CFAP20DC: variants seen among roughly 807,000 people sequenced by gnomAD.
CFAP20DC encodes protein CFAP20DC.
CFAP20DC carries 84 observed loss-of-function variants against 101.7 expected under a neutral mutation model. The observed-to-expected ratio is 0.83, with a 90% CI of 0.69 to 0.99. CFAP20DC has a LOEUF of 0.99. Ranked by LOEUF, CFAP20DC falls within the 50% of genes least tolerant of loss-of-function variation. The pLI is 0.00. For missense variants in CFAP20DC, 1,007 were observed against 970.3 expected (o/e 1.04, Z -0.50); for synonymous variants, 359 against 351.2 (o/e 1.02, Z -0.25).
At position 58,821,806 on chromosome 3, in the gene CFAP20DC, A is replaced by T. The variant is rs1246160248; in HGVS notation, c.2175+9880T>A. ...CATCCCATTACTGGGTATATACCCAAAGGACTATAAATCATGCTGCTATAA... is the reference window on the plus strand; with the variant it reads ...CATCCCATTACTGGGTATATACCCATAGGACTATAAATCATGCTGCTATAA... On this transcript the variant is annotated intron_variant, in intron 14 of 16. Coordinates refer to ENST00000482387, the MANE Select transcript of CFAP20DC (RefSeq NM_001394063.1). 8.4e-5 allele frequency among the ~76,000 whole-genome samples: 12 copies of T among 142,502 alleles called. No individual in the cohort carries two copies. The East Asian group carries it at 2.5e-3, about 29-fold the overall frequency. The allele number at this position is 142,502 out of a possible 152,430, so 93.5% of individuals were successfully genotyped here. A position where few individuals can be genotyped will look rare whatever the true frequency, so the allele number is the denominator to read the frequency against.
At chr3:58,870,894 CAAAAAAAAAAAAAAAAAA>C (rs548763648) in intron 7 of CFAP20DC, among the ~76,000 whole-genome samples, 1 of 18,954 alleles carries the variant, frequency 5.3e-5, no homozygotes, top group Admixed American at 7.7e-4. Context: ...GACTCCGTCT[CAAAAAAAAAAAAAAAAAA>C]AAAAAAAAAA....
chr3:58,856,386 G>A (rs942750413), intron 12 of CFAP20DC, among the ~76,000 whole-genome samples: 2 of 151,972 alleles, frequency 1.3e-5, no homozygotes, highest in Admixed American at 1.3e-4. Context: ...AAGATTGGGT[G>A]CCAATCTGTG....
chr3:58,811,590 A>G lies in CFAP20DC; in HGVS notation c.2176-5134T>C, dbSNP rs1431674743. Among the ~76,000 whole-genome samples the G allele has an allele frequency of 2.0e-5, 3 of 152,138 alleles. No individual in the cohort carries two copies. In the East Asian group the frequency reaches 5.8e-4, roughly 29 times the overall value. ...TAAAGACTTAAACGTTAGACCTAAA[A>G]CCATAAAAACCCTAGAAGAAAACCT... On this transcript the variant is annotated intron_variant, in intron 14 of 16. Coordinates refer to ENST00000482387, the MANE Select transcript of CFAP20DC (RefSeq NM_001394063.1).
chr3:58,824,950 C>A (rs913193190), intron 14 of CFAP20DC, among the ~76,000 whole-genome samples: 1 of 151,972 alleles, frequency 6.6e-6, no homozygotes, highest in Non-Finnish European at 1.5e-5. Flanking sequence ...CCTGTGCCAC[C>A]ATGCCCCCGT....
intron 4 of CFAP20DC, among the ~76,000 whole-genome samples, chr3:58,989,822 G>C (rs1431239287): frequency 6.6e-6 from 1 of 152,078 alleles, no homozygotes; most frequent in Non-Finnish European, 1.5e-5. Flanking sequence ...ATTTGGATGA[G>C]AGCAAGAAAT....
intron 7 of CFAP20DC, among the ~76,000 whole-genome samples, chr3:58,879,952 CCTT>C (rs559788863): frequency 2.6e-3 from 394 of 151,788 alleles, no homozygotes; most frequent in African/African-American, 7.3e-3. Context: ...TTCTCGATTT[CCTT>C]CTTATTATAT....
At chr3:58,848,843 C>T (rs1168621451) in intron 13 of CFAP20DC, among the ~76,000 whole-genome samples, 189 bp downstream of exon 13, 5 of 152,060 alleles carry the variant, frequency 3.3e-5, no homozygotes, top group African/African-American at 1.2e-4. Context: ...ATTCTATTAT[C>T]CTTGGGATGT....
At chr3:58,798,498 TG>T (rs1265464031) in intron 15 of CFAP20DC, among the ~76,000 whole-genome samples, 3 of 152,214 alleles carry the variant, frequency 2.0e-5, no homozygotes, top group Middle Eastern at 3.2e-3. Flanking sequence ...TTTCTTGAAA[TG>T]AATCAACTCC....
intron 6 of CFAP20DC, among the ~76,000 whole-genome samples, chr3:58,889,904 G>A (rs1457778034): frequency 7.8e-6 from 1 of 127,700 alleles, no homozygotes; most frequent in African/African-American, 3.0e-5. Context: ...CAAGGCAGAA[G>A]AATTTTTCTT....
At chr3:58,992,230 T>C (rs2092963414) in intron 4 of CFAP20DC, among the ~76,000 whole-genome samples, 1 of 152,196 alleles carries the variant, frequency 6.6e-6, no homozygotes, top group Admixed American at 6.5e-5. Flanking sequence ...AGTGCGATTC[T>C]AAGATGCCTG....
At chr3:58,952,016 G>A (rs2090170093) in intron 4 of CFAP20DC, among the ~76,000 whole-genome samples, 1 of 152,162 alleles carries the variant, frequency 6.6e-6, no homozygotes, top group Non-Finnish European at 1.5e-5. Flanking sequence ...CGAAAGGCTG[G>A]GCAATTTGCA....
chr3:58,890,383 C>T, intron 6 of CFAP20DC, among the ~76,000 whole-genome samples: 1 of 140,394 alleles, frequency 7.1e-6, no homozygotes, highest in African/African-American at 2.7e-5. Flanking sequence ...GTAGGGGCGG[C>T]CGGGCAGAGG....
At chr3:58,906,768 A>G (rs2083628057) in intron 6 of CFAP20DC, among the ~76,000 whole-genome samples, 1 of 152,056 alleles carries the variant, frequency 6.6e-6, no homozygotes, top group Non-Finnish European at 1.5e-5. Flanking sequence ...CTCTACTCAA[A>G]ATAGAAAAAA....
chr3:58,986,602 C>T (rs1045838615), intron 4 of CFAP20DC, among the ~76,000 whole-genome samples: 1 of 152,136 alleles, frequency 6.6e-6, no homozygotes, highest in African/African-American at 2.4e-5. Flanking sequence ...AAAAAGTCGA[C>T]TGTGAGAAAT....
intron 3 of CFAP20DC, chr3:58,727,220 G>T (rs1025480576): frequency 2.6e-5 from 4 of 154,072 alleles, no homozygotes; most frequent in African/African-American, 9.6e-5. Flanking sequence ...GAGCATTGAA[G>T]AATATGTCCT....
rs573094301 is a variant in CFAP20DC, at chr3:58,774,037, AT to A, written c.2238-20175del. 2.1e-3 allele frequency among the ~76,000 whole-genome samples: 319 copies of A among 151,974 alleles called. 4 individuals are homozygous for A. The highest frequency in any genetic ancestry group is 7.5e-3 in the African/African-American group (310 of 41,332). ...CTGGAGGATAAAAGGTCTAAACATCATGGAAAACTATACAGTGACTCACTTA... is the reference window on the plus strand; with the variant it reads ...CTGGAGGATAAAAGGTCTAAACATCAGGAAAACTATACAGTGACTCACTTA... On this transcript the variant is annotated intron_variant, in intron 15 of 16. Coordinates refer to ENST00000482387, the MANE Select transcript of CFAP20DC (RefSeq NM_001394063.1).
At chr3:59,008,688 C>A (rs1297655878) in intron 4 of CFAP20DC, among the ~76,000 whole-genome samples, 1 of 150,550 alleles carries the variant, frequency 6.6e-6, no homozygotes, top group African/African-American at 2.4e-5. Flanking sequence ...GGAAGGGGAA[C>A]ATCACACTTC....
At chr3:58,738,548 C>A (rs2067809715), downstream of CFAP20DC, among the ~76,000 whole-genome samples, 1 of 152,222 alleles carries the variant, frequency 6.6e-6, no homozygotes, top group African/African-American at 2.4e-5. This position sits in a 1 kb window ranked among gnomAD's most constrained non-coding sequence, Gnocchi z 4.4. Context: ...CATAGTATTC[C>A]ATGGTGTATA....
In CFAP20DC at chr3:58,866,564, A is replaced by G; in HGVS notation, c.1258+2T>C. The stretch of plus-strand genomic sequence containing the variant: ...CAGATATGGTGTAATAAAGATGCCA[A>G]CCTGATTGATCAGGAGACTGGGGTC... On this transcript the variant is annotated splice_donor_variant, in intron 11 of 16. Coordinates refer to ENST00000482387, the MANE Select transcript of CFAP20DC (RefSeq NM_001394063.1). LOFTEE classifies it high-confidence loss of function. 1.9e-6 allele frequency: 3 copies of G among 1,602,504 alleles called. No homozygotes were observed. The highest frequency in any genetic ancestry group is 2.6e-6 in the Non-Finnish European group (3 of 1,176,116).
Sources: allele counts gnomAD v4.1 joint callset (sites outside exome capture counted in the v4.1 genomes callset), GRCh38; gene constraint gnomAD v4.1.1; non-coding constraint Gnocchi (gnomAD v3.1); transcripts MANE v1.5; gene names NCBI Gene and HGNC (gene_info 2026-07-23, HGNC 2026-07-21).